Variants in TSHR observed in about 807,000 individuals in gnomAD.
TSHR encodes thyrotropin receptor.
Under a neutral mutation model 64.1 loss-of-function variants are expected in TSHR, and 51 were observed. That is an observed-to-expected ratio of 0.80 (90% CI 0.64 to 1.01). The LOEUF is 1.01. TSHR is among the 50% of genes least tolerant of loss of function. The probability of loss-of-function intolerance (pLI) is 0.00; values close to 1 mark genes in which losing one functional copy is unlikely to be tolerated. For synonymous variants in TSHR, 361 were observed against 361.9 expected, an observed-to-expected ratio of 1.00 and a Z score of 0.03; for missense variants, 877 against 942.8, an observed-to-expected ratio of 0.93 and a Z score of 0.91.
chr14:81,138,251 C>G (rs1169995006), intron 8 of TSHR, among the ~76,000 whole-genome samples: 1 of 141,700 alleles, frequency 7.1e-6, no homozygotes, highest in Non-Finnish European at 1.5e-5. Context: ...AGTACAATGG[C>G]GTGGTCTCAG....
Position 81,096,651 on chromosome 14 carries a change from C to A in TSHR, c.558C>A (p.Asn186Lys), listed in dbSNP as rs1354240690. The change falls in exon 7 of 10, where the codon AAC becomes AAA. Residue 186 changes from asparagine (N) to lysine (K), a missense_variant. By Grantham distance (94) the Asn-to-Lys change is moderately conservative. Transcript: ENST00000298171. Reference sequence around the variant, plus strand: ...CTGTTGGTTGTAGGAAGCTGTACAACAATGGCTTTACTTCAGTCCAAGGAT... The same window carrying A: ...CTGTTGGTTGTAGGAAGCTGTACAAAAATGGCTTTACTTCAGTCCAAGGAT... ...CNETLTLKLYNNGFTSVQGYA... is the reference protein window; with the variant it reads ...CNETLTLKLYKNGFTSVQGYA... 1.2e-6 allele frequency: 2 copies of A among 1,613,682 alleles called. No individual in the cohort carries two copies. The highest frequency in any genetic ancestry group is 2.7e-5 in the African/African-American group (2 of 74,928).
chr14:80,983,333 T>C (rs1379601085), intron 1 of TSHR: 3 of 1,105,090 alleles, frequency 2.7e-6, no homozygotes, highest in Non-Finnish European at 3.9e-6. Flanking sequence ...CCGGTGACTT[T>C]TCAGAGCTTT....
At chr14:80,986,000 C>A (rs1190296490) in intron 1 of TSHR, among the ~76,000 whole-genome samples, 1 of 152,196 alleles carries the variant, frequency 6.6e-6, no homozygotes, top group Non-Finnish European at 1.5e-5. Context: ...CTCTCAGCAT[C>A]CTGAGGCTGG....
chr14:81,096,070 G>A (rs1370909141), intron 6 of TSHR, among the ~76,000 whole-genome samples: 1 of 150,716 alleles, frequency 6.6e-6, no homozygotes, highest in Non-Finnish European at 1.5e-5. Context: ...ATCCATAAGA[G>A]GACATGGTCT....
At chr14:81,105,038 CTT>C in intron 7 of TSHR, 1 of 985,374 alleles carries the variant, frequency 1.0e-6, no homozygotes. Context: ...TTTTGAGTCT[CTT>C]TTAAGCTACT....
intron 1 of TSHR, among the ~76,000 whole-genome samples, chr14:80,978,591 C>A (rs1044257195): frequency 3.3e-5 from 5 of 152,218 alleles, no homozygotes; most frequent in Admixed American, 1.3e-4. Context: ...AGCACCACTG[C>A]CATGCTCAGC....
chr14:81,061,294 A>T (rs1390692932), intron 1 of TSHR, among the ~76,000 whole-genome samples: 2 of 152,172 alleles, frequency 1.3e-5, no homozygotes, highest in Non-Finnish European at 2.9e-5. Flanking sequence ...TACATGCTAT[A>T]AATTCAGTAG....
intron 1 of TSHR, among the ~76,000 whole-genome samples, chr14:80,997,815 G>A (rs1295967104): frequency 6.6e-6 from 1 of 152,232 alleles, no homozygotes; most frequent in African/African-American, 2.4e-5. Flanking sequence ...GCAGGTTAGT[G>A]TCTAATCTGC....
intron 1 of TSHR, chr14:81,013,496 A>G (rs1212019063): frequency 6.6e-6 from 1 of 152,212 alleles, no homozygotes; most frequent in Non-Finnish European, 1.5e-5. Flanking sequence ...ACAGATGTTT[A>G]TAAAGGATTT....
chr14:81,129,264 C>A (rs181146629), intron 8 of TSHR, among the ~76,000 whole-genome samples: 1 of 152,160 alleles, frequency 6.6e-6, no homozygotes, highest in Non-Finnish European at 1.5e-5. Flanking sequence ...TTTGGTTCTG[C>A]CAGGATCTAC....
chr14:81,104,500 T>C (rs894812186), intron 7 of TSHR: 9 of 985,308 alleles, frequency 9.1e-6, no homozygotes, highest in African/African-American at 3.5e-5. Context: ...CTCTCTGGCA[T>C]AGATCACGTC....
intron 1 of TSHR, among the ~76,000 whole-genome samples, chr14:80,960,781 T>C (rs1041059522): frequency 6.6e-6 from 1 of 152,258 alleles, no homozygotes; most frequent in Non-Finnish European, 1.5e-5. Flanking sequence ...ACAGAATTAC[T>C]GTAGGACCAG....
chr14:81,114,802 C>G (rs1204875673), intron 8 of TSHR, among the ~76,000 whole-genome samples: 2 of 152,132 alleles, frequency 1.3e-5, no homozygotes, highest in East Asian at 3.9e-4. Context: ...TGAAGAGAGC[C>G]GTGGTTCTAC....
At chr14:80,960,358 C>G (rs1886952778) in intron 1 of TSHR, among the ~76,000 whole-genome samples, 1 of 152,180 alleles carries the variant, frequency 6.6e-6, no homozygotes, top group Non-Finnish European at 1.5e-5. Context: ...TAAAGAGAAG[C>G]CCCCTGCTTC....
intron 1 of TSHR, among the ~76,000 whole-genome samples, chr14:80,976,943 A>C (rs1270071733): frequency 1.3e-5 from 2 of 152,260 alleles, no homozygotes. Context: ...TCTAGCCTGC[A>C]TGATGATACC....
At chr14:80,982,186 G>T in intron 1 of TSHR, 1 of 585,046 alleles carries the variant, frequency 1.7e-6, no homozygotes, top group South Asian at 2.2e-5. Context: ...AACAAGGTCG[G>T]TGCTGAGATG....
At position 81,143,597 on chromosome 14, in the gene TSHR, G is replaced by A. The variant is rs547260214; in HGVS notation, c.1539G>A (p.Thr513=). The change falls in exon 10 of 10, where the codon ACG becomes ACA. Residue 513 remains threonine (T), a synonymous_variant. Coordinates refer to ENST00000298171, the MANE Select transcript of TSHR (RefSeq NM_000369.5). Reference sequence around the variant, plus strand: ...GCGAGTTATCGGTGTATACGCTGACGGTCATCACCCTGGAGCGCTGGTATG... The same window carrying A: ...GCGAGTTATCGGTGTATACGCTGACAGTCATCACCCTGGAGCGCTGGTATG... ...FASELSVYTL[T]VITLERWYAI... 21 of 1,613,452 alleles carry A rather than the reference G, an allele frequency of 1.3e-5. No individual in the cohort carries two copies. Among genetic ancestry groups the A allele is most frequent in the Admixed American group, 8.3e-5 (5 of 59,994 alleles).
chr14:81,062,881 G>T (rs1886342467), intron 2 of TSHR, among the ~76,000 whole-genome samples: 1 of 152,060 alleles, frequency 6.6e-6, no homozygotes, highest in South Asian at 2.1e-4. Flanking sequence ...TACAGTTTTT[G>T]GCCAAATGTA....
In TSHR at chr14:81,091,086, G is replaced by A. The variant is rs758236283; in HGVS notation, c.410G>A (p.Gly137Glu). The A allele has an allele frequency of 1.2e-6, 2 of 1,611,752 alleles. No individual in the cohort carries two copies. The highest frequency in any genetic ancestry group is 8.5e-7 in the Non-Finnish European group (1 of 1,179,824). The change falls in exon 5 of 10, where the codon GGA (glycine) becomes GAA (glutamate). Residue 137 changes from glycine to glutamate, a missense_variant. Gly to Glu is a moderately conservative substitution (Grantham distance 98). Transcript: ENST00000298171. ...TAATTTAGTGGCATTTTCAACACTG[G>A]ACTTAAAATGTTCCCTGACCTGACC... ...LLKFLGIFNT[G>E]LKMFPDLTKV...
Sources: gnomAD v4.1 joint callset for allele counts (sites outside exome capture counted in the v4.1 genomes callset) on GRCh38, gnomAD v4.1.1 for gene constraint, MANE v1.5 for transcripts, NCBI Gene and HGNC (gene_info 2026-07-23, HGNC 2026-07-21) for gene names.